The following CNBD1 variants were observed in gnomAD, a reference collection of about 807,000 sequenced individuals.
The protein encoded by CNBD1 is cyclic nucleotide binding domain containing 1.
CNBD1 carries 71 observed loss-of-function variants against 54.4 expected under a neutral mutation model. The observed-to-expected ratio is 1.30, with a 90% CI of 1.08 to 1.59. The LOEUF (loss-of-function observed/expected upper bound fraction) is 1.59. Ranked by LOEUF, CNBD1 falls within the 40% of genes most tolerant of loss-of-function variation. CNBD1 has a pLI of 0.00. For missense variants in CNBD1, 659 were observed against 518.0 expected (o/e 1.27, Z -2.64); for synonymous variants, 182 against 170.7 (o/e 1.07, Z -0.51).
chr8:87,301,689 A>G (rs1808997538), intron 8 of CNBD1, among the ~76,000 whole-genome samples: 1 of 152,166 alleles, frequency 6.6e-6, no homozygotes, highest in South Asian at 2.1e-4. Context: ...TCAAAAAATC[A>G]ATGAATCCAG....
chr8:86,875,899 T>C (rs11993030), intron 1 of CNBD1, among the ~76,000 whole-genome samples: 1,899 of 152,322 alleles, frequency 0.012, 35 homozygotes, highest in African/African-American at 0.042. Flanking sequence ...TTTGATTATT[T>C]GGATAAATCT....
intron 4 of CNBD1, among the ~76,000 whole-genome samples, chr8:87,138,338 GCT>G (rs1400812015): frequency 1.3e-5 from 2 of 152,162 alleles, no homozygotes; most frequent in Non-Finnish European, 2.9e-5. Context: ...TGTAATCTAA[GCT>G]CTCTACCCAG....
At chr8:87,149,682 C>T (rs1449723144) in intron 4 of CNBD1, among the ~76,000 whole-genome samples, 2 of 152,012 alleles carry the variant, frequency 1.3e-5, no homozygotes, top group Non-Finnish European at 2.9e-5. Flanking sequence ...CATAGACTGA[C>T]CTACAGAGCA....
intron 2 of CNBD1, among the ~76,000 whole-genome samples, chr8:87,424,165 CT>C (rs781478467): frequency 4.2e-4 from 64 of 151,982 alleles, no homozygotes; most frequent in Non-Finnish European, 7.9e-4. Flanking sequence ...ACTCTTCTCC[CT>C]TTTTTCTTTA....
chr8:86,960,764 G>A (rs769471437), intron 4 of CNBD1, among the ~76,000 whole-genome samples: 1 of 152,130 alleles, frequency 6.6e-6, no homozygotes, highest in Non-Finnish European at 1.5e-5. Flanking sequence ...TCATACAGCT[G>A]GATGCCCCTC....
chr8:87,277,366 G>T (rs1808505874), intron 6 of CNBD1, among the ~76,000 whole-genome samples: 1 of 151,762 alleles, frequency 6.6e-6, no homozygotes, highest in East Asian at 1.9e-4. Context: ...GATTTACTCA[G>T]TCTATGTATC....
At chr8:87,203,985 A>G (rs1201070565) in intron 4 of CNBD1, among the ~76,000 whole-genome samples, 1 of 152,112 alleles carries the variant, frequency 6.6e-6, no homozygotes, top group Non-Finnish European at 1.5e-5. Context: ...TAGACCTTAG[A>G]TCTGTTTTTT....
At chr8:87,172,217 A>C (rs1157851045) in intron 4 of CNBD1, among the ~76,000 whole-genome samples, 1 of 151,834 alleles carries the variant, frequency 6.6e-6, no homozygotes, top group African/African-American at 2.4e-5. Context: ...GCTTTCTTTC[A>C]TTGTGGTCGA....
chr8:86,985,938 G>GT (rs747402563), intron 4 of CNBD1, among the ~76,000 whole-genome samples: 1 of 151,988 alleles, frequency 6.6e-6, no homozygotes, highest in African/African-American at 2.4e-5. Context: ...ATTGTTGCTT[G>GT]TTTTTTCCTG....
Position 87,188,446 on chromosome 8 carries a change from G to A in CNBD1, c.432-17547G>A, listed in dbSNP as rs184398514. Reference sequence around the variant, plus strand: ...CTATTTGCTGAATAAATAAATGAAGGAGGCTCGGTGCGGTGGTTCACACCA... The same window carrying A: ...CTATTTGCTGAATAAATAAATGAAGAAGGCTCGGTGCGGTGGTTCACACCA... On this transcript the variant is annotated intron_variant, in intron 4 of 10. Coordinates refer to ENST00000518476, the MANE Select transcript of CNBD1 (RefSeq NM_173538.3). 2.2e-3 allele frequency among the ~76,000 whole-genome samples: 340 copies of A among 152,188 alleles called. 3 individuals are homozygous for A. The highest frequency in any genetic ancestry group is 7.8e-3 in the African/African-American group (323 of 41,552).
intron 8 of CNBD1, among the ~76,000 whole-genome samples, chr8:87,302,158 T>C (rs1216124803): frequency 1.3e-5 from 2 of 152,200 alleles, no homozygotes; most frequent in South Asian, 2.1e-4. Context: ...ATCATCCTGA[T>C]ACCAAAGCCT....
intron 4 of CNBD1, among the ~76,000 whole-genome samples, chr8:87,084,138 G>C (rs957572100): frequency 2.0e-5 from 3 of 151,974 alleles, no homozygotes; most frequent in African/African-American, 7.3e-5. Flanking sequence ...TTATACCACT[G>C]TTTTCATGTT....
At chr8:87,040,093 C>T (rs11776240) in intron 4 of CNBD1, among the ~76,000 whole-genome samples, 37,957 of 152,106 alleles carry the variant, frequency 0.25, 5,534 homozygotes, top group Admixed American at 0.37. Flanking sequence ...AATCTTGTAG[C>T]CTCCAACTGT....
At chr8:87,006,740 A>T (rs908426609) in intron 4 of CNBD1, among the ~76,000 whole-genome samples, 2 of 152,108 alleles carry the variant, frequency 1.3e-5, no homozygotes, top group African/African-American at 4.8e-5. Context: ...AGGGACAGAT[A>T]CTCAAACCAT....
intron 2 of CNBD1, among the ~76,000 whole-genome samples, chr8:87,420,168 T>C (rs1197652160): frequency 6.6e-6 from 1 of 151,960 alleles, no homozygotes; most frequent in African/African-American, 2.4e-5. Flanking sequence ...GTTTTAATTT[T>C]TTTTGCTCAA....
intron 8 of CNBD1, among the ~76,000 whole-genome samples, chr8:87,304,231 A>C (rs78420963): frequency 0.39 from 58,184 of 150,422 alleles, 11,423 homozygotes; most frequent in Middle Eastern, 0.46. Context: ...GACTTGGAAC[A>C]AACCCAAATG....
At chr8:87,111,674 T>A (rs1055065016) in intron 4 of CNBD1, among the ~76,000 whole-genome samples, 6 of 152,176 alleles carry the variant, frequency 3.9e-5, no homozygotes, top group Admixed American at 3.9e-4. Flanking sequence ...TTATTCGTGA[T>A]CTCTTTGGGT....
chr8:87,284,851 T>C (rs754035487), intron 7 of CNBD1, 36 bp downstream of exon 7: 1 of 1,450,020 alleles, frequency 6.9e-7, no homozygotes, highest in Non-Finnish European at 9.3e-7. Context: ...TAAACAAAAA[T>C]TGGGCATAAA....
At chr8:87,361,460 T>C (rs776943548) in intron 10 of CNBD1, among the ~76,000 whole-genome samples, 2 of 151,784 alleles carry the variant, frequency 1.3e-5, no homozygotes, top group Non-Finnish European at 2.9e-5. Flanking sequence ...TATGTGAAGA[T>C]GATATAGCTT....
Sources: gnomAD v4.1 joint callset for allele counts (sites outside exome capture counted in the v4.1 genomes callset) on GRCh38, gnomAD v4.1.1 for gene constraint, MANE v1.5 for transcripts, NCBI Gene and HGNC (gene_info 2026-07-23, HGNC 2026-07-21) for gene names.